The following WIPI2 variants were observed in gnomAD, a reference collection of about 807,000 sequenced individuals.
WIPI2 encodes the protein WD repeat domain, phosphoinositide interacting 2, also known as WD repeat domain phosphoinositide-interacting protein 2.
A neutral mutation model predicts 52.3 loss-of-function variants in WIPI2; 28 were observed. The ratio of observed to expected loss-of-function variants is 0.54; its 90% confidence interval spans 0.40 to 0.73. The LOEUF (loss-of-function observed/expected upper bound fraction) is 0.73, where lower values mean the gene tolerates loss of function less well. Among genes scored for constraint, WIPI2 ranks in the 30% least tolerant of loss-of-function variants. WIPI2 has a pLI of 0.00. For synonymous variants in WIPI2, 268 were observed against 245.0 expected (o/e 1.09, Z -0.88); for missense variants, 506 against 602.9 (o/e 0.84, Z 1.68).
chr7:5,228,471 C>T (rs896175566), intron 11 of WIPI2, among the ~76,000 whole-genome samples: 1 of 152,184 alleles, frequency 6.6e-6, no homozygotes, highest in Non-Finnish European at 1.5e-5. Context: ...GCAGGGGTGG[C>T]GGGAGCCGCA....
At chr7:5,210,642 T>A (rs1782511718) in intron 3 of WIPI2, among the ~76,000 whole-genome samples, 1 of 152,152 alleles carries the variant, frequency 6.6e-6, no homozygotes, top group South Asian at 2.1e-4. Flanking sequence ...AGTAAATAAG[T>A]CAAGTTTTAC....
intron 2 of WIPI2, among the ~76,000 whole-genome samples, chr7:5,197,866 C>G (rs1781825956): frequency 6.6e-6 from 1 of 152,108 alleles, no homozygotes; most frequent in African/African-American, 2.4e-5. Context: ...TCCTCTGTAC[C>G]CCGGTGCTTC....
chr7:5,232,238 T>G lies in WIPI2; in HGVS notation c.*1291T>G. ...TTACCCTGCCTTTGCAGGCTGGGGT[T>G]TTTGAACCGAGGAAGGCTGGGACGC... On this transcript the variant is annotated 3_prime_UTR_variant, in exon 13 of 13. Coordinates refer to ENST00000288828, the MANE Select transcript of WIPI2 (RefSeq NM_015610.4). 2.5e-6 allele frequency: 1 copy of G among 398,648 alleles called. No homozygotes were observed. The highest frequency in any genetic ancestry group is 4.4e-6 in the Non-Finnish European group (1 of 226,058). The allele number at this position is 398,648 out of a possible 1,614,324, so 24.7% of individuals were successfully genotyped here. A position where few individuals can be genotyped will look rare whatever the true frequency, so the allele number is the denominator to read the frequency against.
intron 3 of WIPI2, among the ~76,000 whole-genome samples, chr7:5,203,292 T>C (rs1782120811): frequency 6.6e-6 from 1 of 152,212 alleles, no homozygotes; most frequent in Admixed American, 6.5e-5. Context: ...GAGCGTCCCT[T>C]GGCCTAAATC....
At chr7:5,200,457 A>G (rs1781966215) in intron 3 of WIPI2, among the ~76,000 whole-genome samples, 2 of 152,138 alleles carry the variant, frequency 1.3e-5, no homozygotes, top group South Asian at 4.1e-4. Context: ...GCCCCAGTGT[A>G]ATATCATAGC....
intron 3 of WIPI2, among the ~76,000 whole-genome samples, chr7:5,209,634 C>G (rs1782456750): frequency 6.6e-6 from 1 of 152,192 alleles, no homozygotes; most frequent in Non-Finnish European, 1.5e-5. Flanking sequence ...ACTGTTCTCA[C>G]TTTGAAATCT....
chr7:5,190,271 G>A lies in WIPI2; in HGVS notation c.-149G>A. ...CGGCTCTGGAGCATAAACAAGAGCG[G>A]GGACGGGATGAGGCGGCGGTTGATC... On this transcript the variant is annotated 5_prime_UTR_variant, in exon 1 of 13. Transcript: ENST00000288828. 1 of 388,772 alleles carries A rather than the reference G, an allele frequency of 2.6e-6. No individual in the cohort carries two copies. The highest frequency in any genetic ancestry group is 1.2e-4 in the South Asian group (1 of 8,110). The allele number at this position is 388,772 out of a possible 1,614,324, so 24.1% of individuals were successfully genotyped here.
intron 8 of WIPI2, among the ~76,000 whole-genome samples, chr7:5,225,239 C>G (rs1002873077): frequency 3.3e-5 from 5 of 151,952 alleles, no homozygotes; most frequent in Non-Finnish European, 7.4e-5. Flanking sequence ...CTCCCAGGTT[C>G]AAGCAATTCT....
chr7:5,216,854 C>T (rs1210575558), intron 5 of WIPI2, 195 bp downstream of exon 5: 2 of 697,614 alleles, frequency 2.9e-6, no homozygotes, highest in Non-Finnish European at 4.7e-6. Context: ...GATCAACTTT[C>T]AAGTTTGAGG....
At chr7:5,193,056 G>T in intron 1 of WIPI2, 62 bp from the exon 2 acceptor site, 1 of 1,503,214 alleles carries the variant, frequency 6.7e-7, no homozygotes, top group East Asian at 2.3e-5. Flanking sequence ...TCCTAAAAGT[G>T]TGCATAAGTT....
Position 5,217,091 on chromosome 7 carries a change from C to G in WIPI2, c.480C>G (p.Gly160=). Reference sequence around the variant, plus strand: ...TCGTCCTCCGTGTGTCATTTGCAGGCCTGTGTGCGCTGTCAATCAACAACG... The same window carrying G: ...TCGTCCTCCGTGTGTCATTTGCAGGGCTGTGTGCGCTGTCAATCAACAACG... ...TIRETPPNPA[G]LCALSINNDN... Residue 160 remains glycine, a splice_region_variant and synonymous_variant, in exon 6 of 13, where the codon GGC becomes GGG. Coordinates refer to ENST00000288828, the MANE Select transcript of WIPI2 (RefSeq NM_015610.4). 1 of 1,611,320 alleles carries G rather than the reference C, an allele frequency of 6.2e-7. No homozygotes were observed. Among genetic ancestry groups the G allele is most frequent in the Non-Finnish European group, 8.5e-7 (1 of 1,177,640 alleles).
chr7:5,192,423 A>T (rs1428658382), intron 1 of WIPI2, among the ~76,000 whole-genome samples: 2 of 152,232 alleles, frequency 1.3e-5, no homozygotes, highest in African/African-American at 4.8e-5. Context: ...GAATGAAATC[A>T]AATAGAGAAA....
rs551985593 is a variant in WIPI2 at position 5,214,798 on chromosome 7, C to T, written c.381+94C>T. The T allele has an allele frequency of 3.5e-6, 5 of 1,423,670 alleles. No individual in the cohort carries two copies. In the African/African-American group the frequency reaches 4.2e-5, roughly 12 times the overall value. The allele number at this position is 1,423,670 out of a possible 1,614,324, so 88.2% of individuals were successfully genotyped here. ...CCACCGGCATGCCCCTCCGTCATTC[C>T]CTTGCTGCCTGGCCCCACGTTGCCG... On this transcript the variant is annotated intron_variant, in intron 4 of 12. Transcript: ENST00000288828.
At position 5,190,356 on chromosome 7, in the gene WIPI2, G is replaced by A. The variant is rs1173256098; in HGVS notation, c.-64G>A. 4.2e-6 allele frequency: 5 copies of A among 1,198,014 alleles called. No homozygotes were observed. The highest frequency in any genetic ancestry group is 5.3e-6 in the Non-Finnish European group (5 of 942,602). The allele number at this position is 1,198,014 out of a possible 1,614,324, so 74.2% of individuals were successfully genotyped here. On this transcript the variant is annotated 5_prime_UTR_variant, in exon 1 of 13. Transcript: ENST00000288828. ...GCGGGGCCCGGCGCCGACCCTGAGTGCAGCCTGACCCGCCCTCGCGCGCGC... is the reference window on the plus strand; with the variant it reads ...GCGGGGCCCGGCGCCGACCCTGAGTACAGCCTGACCCGCCCTCGCGCGCGC...
At chr7:5,208,167 A>C (rs1466662109) in intron 3 of WIPI2, among the ~76,000 whole-genome samples, 2 of 152,204 alleles carry the variant, frequency 1.3e-5, no homozygotes, top group Non-Finnish European at 2.9e-5. Flanking sequence ...TCAGGTAACT[A>C]ATGATGTTGA....
intron 9 of WIPI2, 166 bp downstream of exon 9, chr7:5,226,096 G>A (rs1037613560): frequency 1.5e-6 from 1 of 657,290 alleles, no homozygotes; most frequent in Non-Finnish European, 2.7e-6. Context: ...AGGCTCGGCA[G>A]TGAGGAGGAT....
At chr7:5,201,605 G>A (rs1247720132) in intron 3 of WIPI2, among the ~76,000 whole-genome samples, 1 of 152,202 alleles carries the variant, frequency 6.6e-6, no homozygotes, top group African/African-American at 2.4e-5. Context: ...AATTAGCCAG[G>A]CATGGTGGCG....
At position 5,225,823 on chromosome 7, in the gene WIPI2, G is replaced by A. The variant is rs1783403424; in HGVS notation, c.741G>A (p.Arg247=). The A allele has an allele frequency of 1.2e-6, 2 of 1,610,526 alleles. No individual in the cohort carries two copies. Among genetic ancestry groups the A allele is most frequent in the Non-Finnish European group, 1.7e-6 (2 of 1,178,852 alleles). ...KLFEFRRGVK[R]CVSICSLAFS... ...CGCCCCAACCTGTGCGTCTCCCCAG[G>A]TGCGTGAGCATCTGCTCCCTGGCCT... The change falls in exon 9 of 13, where the codon AGG becomes AGA. Residue 247 remains arginine (R), a splice_region_variant and synonymous_variant. Transcript: ENST00000288828.
At chr7:5,200,054 T>G (rs1781948448) in intron 3 of WIPI2, among the ~76,000 whole-genome samples, 1 of 152,242 alleles carries the variant, frequency 6.6e-6, no homozygotes, top group Admixed American at 6.5e-5. Context: ...CGTTGGCATT[T>G]TACAGCATTG....
Sources: allele counts gnomAD v4.1 joint callset (sites outside exome capture counted in the v4.1 genomes callset), GRCh38; gene constraint gnomAD v4.1.1; transcripts MANE v1.5; gene names NCBI Gene and HGNC (gene_info 2026-07-23, HGNC 2026-07-21).